WBP4: variants seen among roughly 807,000 people sequenced by gnomAD.
WBP4 encodes the protein WW domain binding protein 4, also known as WW domain-binding protein 4.
In WBP4, 37 loss-of-function variants were observed where a neutral mutation model predicts 55.4. The ratio of observed to expected loss-of-function variants is 0.67; its 90% CI spans 0.51 to 0.88. The LOEUF is 0.88. Among genes scored for constraint, WBP4 ranks in the 40% least tolerant of loss-of-function variants. WBP4 has a pLI of 0.00. For synonymous variants in WBP4, 142 were observed against 140.2 expected, an observed-to-expected ratio of 1.01 and a Z score of -0.09; for missense variants, 398 against 420.8, an observed-to-expected ratio of 0.95 and a Z score of 0.47.
At chr13:41,068,870 C>T (rs1450592989) in intron 5 of WBP4, 133 bp downstream of exon 5, 2 of 1,008,044 alleles carry the variant, frequency 2.0e-6, no homozygotes, top group African/African-American at 3.3e-5. Context: ...ATTTTTGCCC[C>T]AAAGGTAAGA....
intron 5 of WBP4, 61 bp downstream of exon 5, chr13:41,068,798 ATTTT>A (rs1878099457): frequency 5.2e-5 from 73 of 1,408,540 alleles, no homozygotes; most frequent in Non-Finnish European, 6.6e-5. Flanking sequence ...AGAACAATTT[ATTTT>A]ATGTTAGGAT....
chr13:41,078,846 A>T lies in WBP4; in HGVS notation c.757-1800A>T, dbSNP rs573489591. The stretch of plus-strand genomic sequence containing the variant: ...CTGTCTCAAAAAAAGAAAAAGGAAA[A>T]GAAAAAAAAAATCCTAGAAGGAAAT... On this transcript the variant is annotated intron_variant, in intron 8 of 9. Transcript: ENST00000379487. 1.2e-3 allele frequency among the ~76,000 whole-genome samples: 180 copies of T among 152,140 alleles called. 1 individual carries two copies. Among genetic ancestry groups the T allele is most frequent in the African/African-American group, 4.3e-3 (178 of 41,522 alleles).
chr13:41,062,366 T>G (rs1877721282), intron 1 of WBP4: 1 of 886,734 alleles, frequency 1.1e-6, no homozygotes, highest in East Asian at 1.2e-4. Flanking sequence ...TGTTCCTTAG[T>G]TTTTCATAAC....
chr13:41,081,498 CAAAAAAAAA>C lies in WBP4; in HGVS notation c.920+703_920+711del, dbSNP rs555764002. 8.4e-3 allele frequency among the ~76,000 whole-genome samples: 679 copies of C among 81,190 alleles called. 2 individuals are homozygous for C. Among genetic ancestry groups the C allele is most frequent in the Non-Finnish European group, 0.013 (545 of 42,758 alleles). 53.3% of individuals were successfully genotyped at this position (81,190 alleles called of 152,430 possible). On this transcript the variant is annotated intron_variant, in intron 9 of 9. Coordinates refer to ENST00000379487, the MANE Select transcript of WBP4 (RefSeq NM_007187.5). The stretch of plus-strand genomic sequence containing the variant: ...GGGCAACAGAGTAGGACCTTGTCTC[CAAAAAAAAA>C]AAAAAAAAAAAAATGTAAAAACTAA...
At chr13:41,064,176 G>A (rs1877837606) in intron 2 of WBP4, among the ~76,000 whole-genome samples, 1 of 151,018 alleles carries the variant, frequency 6.6e-6, no homozygotes, top group Admixed American at 6.6e-5. Context: ...ATATTATTCT[G>A]CACTAGTTTT....
At position 41,083,926 on chromosome 13, in the gene WBP4, CTT is replaced by C. The variant is rs1878896902; in HGVS notation, c.*1013_*1014del. 1 of 152,078 alleles carries C rather than the reference CTT, an allele frequency of 6.6e-6. No individual in the cohort carries two copies. Among genetic ancestry groups the C allele is most frequent in the Admixed American group, 6.6e-5 (1 of 15,258 alleles). The allele number at this position is 152,078 out of a possible 1,614,324, so 9.4% of individuals were successfully genotyped here. Reference sequence around the variant, plus strand: ...TTCTCATAAATTGTATAGTATTTAACTTATAATAGTTAATATTTGTCTTTTTA... The same window carrying C: ...TTCTCATAAATTGTATAGTATTTAACATAATAGTTAATATTTGTCTTTTTA... On this transcript the variant is annotated 3_prime_UTR_variant, in exon 10 of 10. Transcript: ENST00000379487.
intron 4 of WBP4, among the ~76,000 whole-genome samples, chr13:41,068,163 C>CTTTGAAAA (rs1878061799): frequency 2.0e-5 from 3 of 152,080 alleles, no homozygotes; most frequent in African/African-American, 7.2e-5. Flanking sequence ...GAACGTTGTA[C>CTTTGAAAA]CCAGTAGGTA....
intron 5 of WBP4, 22 bp downstream of exon 5, chr13:41,068,759 C>A: frequency 6.5e-7 from 1 of 1,541,738 alleles, no homozygotes; most frequent in South Asian, 1.3e-5. Context: ...AGGCATAAAA[C>A]TGGTAAAGAA....
In WBP4 at chr13:41,070,274, G is replaced by A. The variant is rs1878181057; in HGVS notation, c.440-1253G>A. On this transcript the variant is annotated intron_variant, in intron 5 of 9. Coordinates refer to ENST00000379487, the MANE Select transcript of WBP4 (RefSeq NM_007187.5). ...CCTTACTCACCATTGTATTCCTGGC[G>A]CCTAACATAGTGCCTAGCACAGTGT... Among the ~76,000 whole-genome samples the A allele has an allele frequency of 2.0e-5, 3 of 152,074 alleles. No homozygotes were observed. The South Asian group carries it at 6.2e-4, about 31-fold the overall frequency.
chr13:41,062,096 G>GTTTTTTTTTTTT, intron 1 of WBP4: 57 of 805,462 alleles, frequency 7.1e-5, no homozygotes, highest in Non-Finnish European at 7.7e-5. Flanking sequence ...TAGCGTAATG[G>GTTTTTTTTTTTT]TTTTTTTTTT....
At chr13:41,064,243 C>T (rs1877841433) in intron 2 of WBP4, among the ~76,000 whole-genome samples, 2 of 152,088 alleles carry the variant, frequency 1.3e-5, no homozygotes, top group South Asian at 4.1e-4. Context: ...TAAAGAGCTT[C>T]TTTCTCTCTG....
intron 4 of WBP4, among the ~76,000 whole-genome samples, chr13:41,066,378 C>T (rs1443896942): frequency 6.6e-6 from 1 of 152,112 alleles, no homozygotes; most frequent in Non-Finnish European, 1.5e-5. Flanking sequence ...TTTAAAAACT[C>T]ACTAACTGTT....
In WBP4 at chr13:41,076,100, A is replaced by G. The variant is rs905890863; in HGVS notation, c.619A>G (p.Ser207Gly). The G allele has an allele frequency of 1.9e-6, 3 of 1,613,696 alleles. No individual in the cohort carries two copies. The highest frequency in any genetic ancestry group is 2.5e-6 in the Non-Finnish European group (3 of 1,179,958). ...FIPHTSDLPS[S>G]KVNENSLGTL... ...TCCACACACTAGTGATCTGCCTTCT[A>G]GTAAGGTCAATGAAAATTCACTTGG... The change falls in exon 8 of 10, where the codon AGT becomes GGT. Residue 207 changes from serine (S) to glycine (G), a missense_variant. By Grantham distance (56) the Ser-to-Gly change is moderately conservative. Coordinates refer to ENST00000379487, the MANE Select transcript of WBP4 (RefSeq NM_007187.5).
chr13:41,081,875 ATGT>A lies in WBP4; in HGVS notation c.921-828_921-826del, dbSNP rs71750628. Among the ~76,000 whole-genome samples, 416 of 152,334 alleles carry A rather than the reference ATGT, an allele frequency of 2.7e-3. 8 individuals carry two copies. The East Asian group carries it at 0.049, about 18-fold the overall frequency. On this transcript the variant is annotated intron_variant, in intron 9 of 9. Coordinates refer to ENST00000379487, the MANE Select transcript of WBP4 (RefSeq NM_007187.5). ...AGAGCTCCATTCTCCAAATAGGATG[ATGT>A]GTGTTTTTCAACAGGTTTTACGCTC...
At chr13:41,072,974 A>G (rs1878317116) in intron 7 of WBP4, 117 bp downstream of exon 7, 2 of 699,960 alleles carry the variant, frequency 2.9e-6, no homozygotes, top group East Asian at 5.9e-5. Context: ...ATATTTGTGT[A>G]GTAAACATGA....
intron 9 of WBP4, among the ~76,000 whole-genome samples, chr13:41,082,128 G>A (rs764448884): frequency 2.3e-4 from 35 of 152,116 alleles, no homozygotes; most frequent in East Asian, 1.9e-4. Context: ...CTTAGCAAAG[G>A]AGTGCTAGGC....
intron 1 of WBP4, 74 bp downstream of exon 1, chr13:41,061,749 C>T (rs1877653247): frequency 2.5e-6 from 4 of 1,603,812 alleles, no homozygotes; most frequent in Middle Eastern, 2.0e-4. Flanking sequence ...GGGTCTTCCC[C>T]TCCTCTCCTC....
At chr13:41,075,985 A>C (rs1177526095) in intron 7 of WBP4, 59 bp from the exon 8 acceptor site, 2 of 1,519,912 alleles carry the variant, frequency 1.3e-6, no homozygotes, top group Non-Finnish European at 1.8e-6. Context: ...TGTTATGTTG[A>C]AATTACATCT....
At chr13:41,069,653 C>T (rs1878140957) in intron 5 of WBP4, among the ~76,000 whole-genome samples, 1 of 138,162 alleles carries the variant, frequency 7.2e-6, no homozygotes, top group South Asian at 2.3e-4. Context: ...TTGCGGTGAG[C>T]GTAGATTGGG....
Sources: allele counts gnomAD v4.1 joint callset (sites outside exome capture counted in the v4.1 genomes callset), GRCh38; gene constraint gnomAD v4.1.1; transcripts MANE v1.5; gene names NCBI Gene and HGNC (gene_info 2026-07-23, HGNC 2026-07-21).